Variants in PARD3B observed in about 807,000 individuals in gnomAD.
PARD3B encodes the protein par-3 family cell polarity regulator beta.
A neutral mutation model predicts 130.2 loss-of-function variants in PARD3B; 103 were observed. The observed-to-expected ratio is 0.79, with a 90% confidence interval of 0.67 to 0.93. PARD3B has a LOEUF of 0.93. PARD3B is among the 40% of genes least tolerant of loss of function. PARD3B has a pLI of 0.00. For missense variants in PARD3B, 1,609 were observed against 1,499.2 expected, an observed-to-expected ratio of 1.07 and a Z score of -1.21; for synonymous variants, 583 against 553.2, an observed-to-expected ratio of 1.05 and a Z score of -0.76.
At chr2:204,646,037 C>T (rs973064666) in intron 1 of PARD3B, among the ~76,000 whole-genome samples, 1 of 152,066 alleles carries the variant, frequency 6.6e-6, no homozygotes, top group Non-Finnish European at 1.5e-5. Context: ...AGCCAAAGAA[C>T]ATTCTGGATT....
intron 2 of PARD3B, among the ~76,000 whole-genome samples, chr2:204,717,887 C>G (rs1421202766): frequency 2.6e-5 from 4 of 152,178 alleles, no homozygotes; most frequent in African/African-American, 9.7e-5. Flanking sequence ...TAGGTTCGTT[C>G]TCAGTTTGTA....
rs565919516 is a variant in PARD3B, at chr2:204,730,307, G to T, written c.222+44025G>T. On this transcript the variant is annotated intron_variant, in intron 2 of 22. Transcript: ENST00000406610. ...TGGTCTCAAACTCCTGACCTCAGAT[G>T]ATCTGCCCATCTTGGCCTCCCAAAG... 6.6e-5 allele frequency among the ~76,000 whole-genome samples: 10 copies of T among 152,190 alleles called. No homozygotes were observed. In the East Asian group the frequency reaches 1.7e-3, roughly 27 times the overall value.
At chr2:205,304,088 C>G (rs1173023861) in intron 18 of PARD3B, among the ~76,000 whole-genome samples, 1 of 152,152 alleles carries the variant, frequency 6.6e-6, no homozygotes, top group East Asian at 1.9e-4. Context: ...GCTGAAATTT[C>G]TACATAGAAA....
chr2:205,050,674 G>A (rs933973614), intron 4 of PARD3B, among the ~76,000 whole-genome samples: 1 of 150,518 alleles, frequency 6.6e-6, no homozygotes, highest in East Asian at 1.9e-4. Context: ...ATATTGGCTT[G>A]AATAAAATAT....
chr2:205,263,042 CT>C lies in PARD3B; in HGVS notation c.2185+17221del, dbSNP rs2040375648. Among the ~76,000 whole-genome samples the C allele has an allele frequency of 6.6e-6, 1 of 151,962 alleles. No homozygotes were observed. Among genetic ancestry groups the C allele is most frequent in the Non-Finnish European group, 1.5e-5 (1 of 67,964 alleles). On this transcript the variant is annotated intron_variant, in intron 16 of 22. Transcript: ENST00000406610. This position sits in a 1 kb window ranked among gnomAD's most constrained non-coding sequence, Gnocchi z 4.0. Reference sequence around the variant, plus strand: ...AGAGCTAGATTGAAAGCCCAAGGTACTGCCATGGGGGTAATTTATGAATCTG... The same window carrying C: ...AGAGCTAGATTGAAAGCCCAAGGTACGCCATGGGGGTAATTTATGAATCTG...
At chr2:204,781,989 C>A (rs1297824238) in intron 2 of PARD3B, among the ~76,000 whole-genome samples, 1 of 151,962 alleles carries the variant, frequency 6.6e-6, no homozygotes, top group East Asian at 1.9e-4. Flanking sequence ...TTTTACTCTA[C>A]AAGTTTTCAA....
In PARD3B at chr2:204,870,133, T is replaced by C. The variant is rs1206002302; in HGVS notation, c.223-95019T>C. On this transcript the variant is annotated intron_variant, in intron 2 of 22. Coordinates refer to ENST00000406610, the MANE Select transcript of PARD3B (RefSeq NM_001302769.2). ...GCCCTCCATTTCTCTGTCTCTCTCT[T>C]TCTTGCCCTTTTCCAAGGCCCCCAA... Among the ~76,000 whole-genome samples, 4 of 152,146 alleles carry C rather than the reference T, an allele frequency of 2.6e-5. No homozygotes were observed. The East Asian group carries it at 7.7e-4, about 29-fold the overall frequency.
At chr2:204,752,081 T>G (rs2040485891) in intron 2 of PARD3B, among the ~76,000 whole-genome samples, 1 of 152,196 alleles carries the variant, frequency 6.6e-6, no homozygotes, top group Non-Finnish European at 1.5e-5. Context: ...TTAAAATATC[T>G]GATAAGCATA....
chr2:204,676,482 C>T (rs370389211), intron 1 of PARD3B, among the ~76,000 whole-genome samples: 1 of 151,918 alleles, frequency 6.6e-6, no homozygotes, highest in Admixed American at 6.6e-5. Context: ...GAGCTCAAAG[C>T]CCTAAGGATC....
At chr2:204,755,496 A>G (rs1043375607) in intron 2 of PARD3B, among the ~76,000 whole-genome samples, 7 of 152,090 alleles carry the variant, frequency 4.6e-5, no homozygotes, top group African/African-American at 1.4e-4. Flanking sequence ...GGGGAAGCAG[A>G]TTAATTATTG....
chr2:205,352,934 C>T lies in PARD3B; in HGVS notation c.2631-48079C>T, dbSNP rs966270210. ...TCATATGGAGAAAGAACCAATGTTT[C>T]ATCTTTCTGTTTTTCAGAAGTCTCC... On this transcript the variant is annotated intron_variant, in intron 18 of 22. Transcript: ENST00000406610. This position sits in a 1 kb window ranked among gnomAD's most constrained non-coding sequence, Gnocchi z 5.2. Among the ~76,000 whole-genome samples, 1 of 152,154 alleles carries T rather than the reference C, an allele frequency of 6.6e-6. No individual in the cohort carries two copies. Among genetic ancestry groups the T allele is most frequent in the Non-Finnish European group, 1.5e-5 (1 of 68,034 alleles).
rs533266251 is a variant in PARD3B, at chr2:205,233,550, A to G, written c.2141-12228A>G. On this transcript the variant is annotated intron_variant, in intron 15 of 22. Coordinates refer to ENST00000406610, the MANE Select transcript of PARD3B (RefSeq NM_001302769.2). ...GGGTTTTTAAGACATATAAAAATAT[A>G]TTATTTTTATATGACAATAACAGCA... 3.9e-5 allele frequency among the ~76,000 whole-genome samples: 6 copies of G among 152,260 alleles called. No individual in the cohort carries two copies. The East Asian group carries it at 1.2e-3, about 29-fold the overall frequency.
intron 4 of PARD3B, among the ~76,000 whole-genome samples, chr2:205,093,955 C>A (rs998164762): frequency 6.6e-6 from 1 of 152,152 alleles, no homozygotes; most frequent in Non-Finnish European, 1.5e-5. Flanking sequence ...CTGCTCTCAG[C>A]AGTTCAGACC....
Position 204,906,837 on chromosome 2 carries a change from T to C in PARD3B, c.223-58315T>C, listed in dbSNP as rs993570134. ...TGCGTGGTTTTGTACACCATTTGAATTGGGATGCTTATGGTGATATCTTGG... is the reference window on the plus strand; with the variant it reads ...TGCGTGGTTTTGTACACCATTTGAACTGGGATGCTTATGGTGATATCTTGG... On this transcript the variant is annotated intron_variant, in intron 2 of 22. Transcript: ENST00000406610. The surrounding 1 kb of genome is among the most constrained non-coding windows in gnomAD (Gnocchi z 4.3). Among the ~76,000 whole-genome samples, 3 of 152,228 alleles carry C rather than the reference T, an allele frequency of 2.0e-5. No individual in the cohort carries two copies. Among genetic ancestry groups the C allele is most frequent in the African/African-American group, 7.2e-5 (3 of 41,464 alleles).
chr2:205,119,130 G>A, intron 7 of PARD3B, 84 bp downstream of exon 7: 1 of 1,445,368 alleles, frequency 6.9e-7, no homozygotes, highest in Non-Finnish European at 9.2e-7. Context: ...GATCAAAATA[G>A]TAGGTAGAAT....
At chr2:204,910,333 G>C (rs1186482294) in intron 2 of PARD3B, among the ~76,000 whole-genome samples, 1 of 152,150 alleles carries the variant, frequency 6.6e-6, no homozygotes, top group African/African-American at 2.4e-5. Flanking sequence ...TTGTTTTAAA[G>C]AACAGACTGT....
intron 16 of PARD3B, among the ~76,000 whole-genome samples, chr2:205,299,221 C>T (rs1282595810): frequency 1.3e-5 from 2 of 152,074 alleles, no homozygotes; most frequent in Admixed American, 6.5e-5. Context: ...TTCCTTAATG[C>T]TGTGTGCAGC....
At chr2:205,057,607 G>GTATGTGTACACGTATATATATACATA (rs1699780868) in intron 4 of PARD3B, among the ~76,000 whole-genome samples, 1 of 68,470 alleles carries the variant, frequency 1.5e-5, no homozygotes, top group African/African-American at 5.8e-5. Flanking sequence ...ACATATATGT[G>GTATGTGTACACGTATATATATACATA]TATGTGTATG....
intron 11 of PARD3B, among the ~76,000 whole-genome samples, chr2:205,168,753 A>G (rs1559504370): frequency 7.0e-6 from 1 of 142,660 alleles, no homozygotes; most frequent in Non-Finnish European, 1.5e-5. Context: ...TTGATTTTAT[A>G]TTGTCTTCCC....
Sources: gnomAD v4.1 joint callset for allele counts (sites outside exome capture counted in the v4.1 genomes callset) on GRCh38, gnomAD v4.1.1 for gene constraint, Gnocchi (gnomAD v3.1) non-coding constraint, MANE v1.5 for transcripts, NCBI Gene and HGNC (gene_info 2026-07-23, HGNC 2026-07-21) for gene names.